VPS51: variants seen among roughly 807,000 people sequenced by gnomAD.
VPS51 encodes the protein VPS51 subunit of GARP complex.
In VPS51, 55 loss-of-function variants were observed where a neutral mutation model predicts 65.1. That is an observed-to-expected ratio of 0.84 (90% CI 0.68 to 1.06). The LOEUF (loss-of-function observed/expected upper bound fraction) is 1.06, where lower values mean the gene tolerates loss of function less well. Among genes scored for constraint, VPS51 ranks in the 50% least tolerant of loss-of-function variants. The pLI is 0.00. For synonymous variants in VPS51, 473 were observed against 489.5 expected, an observed-to-expected ratio of 0.97 and a Z score of 0.44; for missense variants, 943 against 1,101.6, an observed-to-expected ratio of 0.86 and a Z score of 2.04.
intron 1 of VPS51, 28 bp downstream of exon 1, chr11:65,096,506 G>C: frequency 1.0e-6 from 1 of 992,024 alleles, no homozygotes; most frequent in South Asian, 1.5e-5. Context: ...GTGGGGGGGT[G>C]CGGGGAGGGG....
At chr11:65,108,116 C>T in intron 4 of VPS51, 81 bp from the exon 5 acceptor site, 2 of 1,542,212 alleles carry the variant, frequency 1.3e-6, no homozygotes, top group Admixed American at 1.9e-5. Context: ...TCCCCCTGCC[C>T]TGTGTGTGCT....
chr11:65,111,270 G>T, intron 9 of VPS51, 57 bp from the exon 10 acceptor site: 1 of 1,597,466 alleles, frequency 6.3e-7, no homozygotes, highest in Non-Finnish European at 8.5e-7. Flanking sequence ...TGGAACTTGG[G>T]TGTCCCCCAC....
intron 1 of VPS51, 139 bp from the exon 2 acceptor site, chr11:65,096,859 G>T: frequency 2.2e-6 from 3 of 1,345,466 alleles, no homozygotes; most frequent in Non-Finnish European, 3.0e-6. Flanking sequence ...CCCCCTGCCT[G>T]GGATTCCTGA....
chr11:65,109,248 C>T (rs1184180390), intron 5 of VPS51, 32 bp from the exon 6 acceptor site: 13 of 1,595,806 alleles, frequency 8.1e-6, no homozygotes, highest in Admixed American at 1.7e-5. Context: ...GAAGAGGGGA[C>T]CTGCTGTGGA....
chr11:65,102,571 A>G (rs74948211), intron 2 of VPS51, among the ~76,000 whole-genome samples: 4,617 of 152,260 alleles, frequency 0.03, 101 homozygotes, highest in African/African-American at 0.059. Flanking sequence ...CCTAAGTGTC[A>G]TGGGCTCAAA....
At chr11:65,106,209 C>T (rs927188567) in intron 2 of VPS51, among the ~76,000 whole-genome samples, 2 of 152,174 alleles carry the variant, frequency 1.3e-5, no homozygotes, top group African/African-American at 4.8e-5. Context: ...TGCAGGTAGA[C>T]CTTCCATGAC....
At chr11:65,109,041 C>CT (rs2137192262) in intron 5 of VPS51, 127 bp downstream of exon 5, 2 of 1,240,446 alleles carry the variant, frequency 1.6e-6, no homozygotes, top group East Asian at 4.6e-5. Context: ...TATGCACGGT[C>CT]TGGGGGGTGG....
In VPS51 at chr11:65,109,394, C is replaced by A; in HGVS notation, c.1558C>A (p.Pro520Thr). 1.2e-6 allele frequency: 2 copies of A among 1,612,156 alleles called. No homozygotes were observed. The highest frequency in any genetic ancestry group is 1.7e-6 in the Non-Finnish European group (2 of 1,180,010). Residue 520 changes from proline (P) to threonine (T), a missense_variant, in exon 6 of 10, where the codon CCA becomes ACA. Physicochemically the swap from Pro to Thr is conservative, Grantham distance 38. Around this residue, in one of 2 missense-constraint regions of VPS51, gnomAD observed 855 missense variants for 953.7 expected, o/e 0.90. Transcript: ENST00000279281. ...DSPGEKGGAT[P>T]PALLLLLSRL... ...CCCTGGGGAGAAGGGGGGTGCCACA[C>A]CACCTGCCCTGCTCCTGCTGCTCTC...
chr11:65,096,547 C>T (rs560380686), intron 1 of VPS51, 69 bp downstream of exon 1: 30 of 1,308,930 alleles, frequency 2.3e-5, no homozygotes, highest in East Asian at 5.3e-5. Flanking sequence ...CTATATTGCT[C>T]CCCCAGATCA....
intron 2 of VPS51, among the ~76,000 whole-genome samples, chr11:65,104,119 G>C (rs1474522540): frequency 6.6e-6 from 1 of 152,122 alleles, no homozygotes; most frequent in Non-Finnish European, 1.5e-5. Flanking sequence ...ACTAGAGACA[G>C]GGTTTTACCA....
chr11:65,111,589 C>G lies in VPS51; in HGVS notation c.*2C>G. ...GAGGTCATCTGCGAGCGCGGCTAGG[C>G]GCAGCCGCTGCCATGCACCGGTCTG... On this transcript the variant is annotated 3_prime_UTR_variant, in exon 10 of 10. Coordinates refer to ENST00000279281, the MANE Select transcript of VPS51 (RefSeq NM_013265.4). The G allele has an allele frequency of 6.2e-7, 1 of 1,600,466 alleles. No homozygotes were observed. The highest frequency in any genetic ancestry group is 2.2e-5 in the East Asian group (1 of 44,754).
chr11:65,104,249 C>A (rs1325660372), intron 2 of VPS51, among the ~76,000 whole-genome samples: 2 of 152,198 alleles, frequency 1.3e-5, no homozygotes, highest in Admixed American at 1.3e-4. Context: ...ATTATATCAT[C>A]TGCAAATAGT....
chr11:65,097,774 A>G (rs1329478218), intron 2 of VPS51, among the ~76,000 whole-genome samples: 3 of 151,982 alleles, frequency 2.0e-5, no homozygotes, highest in Non-Finnish European at 4.4e-5. Context: ...GGAGGATCAC[A>G]TGAGCCTGGG....
intron 2 of VPS51, among the ~76,000 whole-genome samples, chr11:65,103,836 C>T (rs1467576961): frequency 6.6e-6 from 1 of 151,472 alleles, no homozygotes; most frequent in Non-Finnish European, 1.5e-5. Flanking sequence ...CAATCTTTGA[C>T]AATCTGAGAA....
At position 65,107,471 on chromosome 11, in the gene VPS51, G is replaced by C. The variant is rs1947849927; in HGVS notation, c.359-110G>C. On this transcript the variant is annotated intron_variant, in intron 2 of 9. Transcript: ENST00000279281. This position sits in a 1 kb window ranked among gnomAD's most constrained non-coding sequence, Gnocchi z 4.0. The stretch of plus-strand genomic sequence containing the variant: ...GTCCTTTCTCTGGAATCATCCATGC[G>C]CCCCTGGAGCAAGCTGGGGCGTCTG... 7.3e-7 allele frequency: 1 copy of C among 1,371,852 alleles called. No individual in the cohort carries two copies. Among genetic ancestry groups the C allele is most frequent in the African/African-American group, 1.5e-5 (1 of 68,516 alleles). 85.0% of individuals were successfully genotyped at this position (1,371,852 alleles called of 1,614,324 possible).
In VPS51 at chr11:65,096,444, G is replaced by A; in HGVS notation, c.194G>A (p.Gly65Glu). Residue 65 changes from glycine to glutamate, a missense_variant, in exon 1 of 10, where the codon GGG (glycine) becomes GAG (glutamate). Coordinates refer to ENST00000279281, the MANE Select transcript of VPS51 (RefSeq NM_013265.4). ...PDPLDPTDLN[G>E]AHFDPEVYLD... ...CCCCTGGACCCGACTGATCTGAACGGGGCGCACTTCGACCCGGAAGTTTAC... is the reference window on the plus strand; with the variant it reads ...CCCCTGGACCCGACTGATCTGAACGAGGCGCACTTCGACCCGGAAGTTTAC... 6.4e-7 allele frequency: 1 copy of A among 1,551,448 alleles called. No individual in the cohort carries two copies. Among genetic ancestry groups the A allele is most frequent in the Non-Finnish European group, 8.6e-7 (1 of 1,158,084 alleles).
intron 1 of VPS51, 27 bp downstream of exon 1, chr11:65,096,505 T>TGGGGGGGGGG: frequency 4.0e-5 from 15 of 371,768 alleles, no homozygotes; most frequent in East Asian, 1.2e-4. Flanking sequence ...AGTGGGGGGG[T>TGGGGGGGGGG]GCGGGGAGGG....
At chr11:65,103,589 G>C (rs1011447131) in intron 2 of VPS51, among the ~76,000 whole-genome samples, 1 of 151,668 alleles carries the variant, frequency 6.6e-6, no homozygotes. Flanking sequence ...GTTTCTGTTT[G>C]TTTCTTGTCA....
intron 2 of VPS51, among the ~76,000 whole-genome samples, chr11:65,098,553 G>A (rs1304106877): frequency 6.6e-6 from 1 of 152,196 alleles, no homozygotes; most frequent in Non-Finnish European, 1.5e-5. Context: ...TTTACCTGCA[G>A]CCTGTGGAAT....
Sources: gnomAD v4.1 joint callset for allele counts (sites outside exome capture counted in the v4.1 genomes callset) on GRCh38, gnomAD v4.1.1 for gene constraint, gnomAD v4.1.1 regional missense constraint, Gnocchi (gnomAD v3.1) non-coding constraint, MANE v1.5 for transcripts, NCBI Gene and HGNC (gene_info 2026-07-23, HGNC 2026-07-21) for gene names.